The following ALDH1A2 variants were observed in gnomAD, a reference collection of about 807,000 sequenced individuals.
The protein encoded by ALDH1A2 is aldehyde dehydrogenase 1 family member A2.
ALDH1A2 carries 27 observed loss-of-function variants against 60.3 expected under a neutral mutation model. The ratio of observed to expected loss-of-function variants is 0.45; its 90% confidence interval spans 0.33 to 0.62. ALDH1A2 has a LOEUF of 0.62. Ranked by LOEUF, ALDH1A2 falls within the 20% of genes least tolerant of loss-of-function variation. The pLI is 0.02. For missense variants in ALDH1A2, 581 were observed against 643.8 expected, an observed-to-expected ratio of 0.90 and a Z score of 1.06; for synonymous variants, 289 against 232.4, an observed-to-expected ratio of 1.24 and a Z score of -2.21.
chr15:58,056,291 A>T (rs1362605960), intron 1 of ALDH1A2, among the ~76,000 whole-genome samples: 1 of 152,066 alleles, frequency 6.6e-6, no homozygotes, highest in Non-Finnish European at 1.5e-5. Context: ...CATTATAGAG[A>T]AGACCACACA....
At chr15:57,965,652 CA>C in intron 8 of ALDH1A2, 72 bp downstream of exon 8, 2 of 1,111,114 alleles carry the variant, frequency 1.8e-6, no homozygotes, top group South Asian at 1.2e-5. Context: ...AGTGTCCCAT[CA>C]AAAGTGGAGA....
At chr15:58,042,940 TTA>T (rs1374331160) in intron 1 of ALDH1A2, among the ~76,000 whole-genome samples, 2 of 151,974 alleles carry the variant, frequency 1.3e-5, no homozygotes, top group Middle Eastern at 3.2e-3. Flanking sequence ...TGATGTCATT[TTA>T]TAGTTTGTTA....
intron 1 of ALDH1A2, among the ~76,000 whole-genome samples, chr15:58,031,768 C>T (rs373314737): frequency 2.0e-5 from 3 of 152,106 alleles, no homozygotes; most frequent in Admixed American, 6.5e-5. Flanking sequence ...TCATCACCAC[C>T]GGTCATCAGA....
intron 1 of ALDH1A2, among the ~76,000 whole-genome samples, chr15:58,060,574 C>G (rs147464037): frequency 1.8e-4 from 25 of 135,228 alleles, no homozygotes; most frequent in African/African-American, 6.5e-4. Flanking sequence ...AAGTACCTTT[C>G]TGACCAGGAT....
At chr15:57,971,178 C>T (rs1395200384) in intron 7 of ALDH1A2, among the ~76,000 whole-genome samples, 2 of 152,222 alleles carry the variant, frequency 1.3e-5, no homozygotes, top group Non-Finnish European at 2.9e-5. Flanking sequence ...CTGGAACATG[C>T]CTGTGTGTCT....
chr15:58,010,432 A>G (rs1895593562), intron 4 of ALDH1A2, among the ~76,000 whole-genome samples: 1 of 152,176 alleles, frequency 6.6e-6, no homozygotes, highest in Non-Finnish European at 1.5e-5. Flanking sequence ...TGAATGATGT[A>G]TTAAGTGGCA....
At chr15:58,001,775 G>T (rs1221116131) in intron 4 of ALDH1A2, among the ~76,000 whole-genome samples, 1 of 151,802 alleles carries the variant, frequency 6.6e-6, no homozygotes, top group African/African-American at 2.4e-5. Context: ...CCATTGTAGG[G>T]TATGAATGGT....
At chr15:58,051,619 G>A (rs1175753480) in intron 1 of ALDH1A2, among the ~76,000 whole-genome samples, 4 of 152,258 alleles carry the variant, frequency 2.6e-5, no homozygotes, top group Admixed American at 2.6e-4. Flanking sequence ...AGGCCTATAT[G>A]AGAAACTGCC....
intron 1 of ALDH1A2, among the ~76,000 whole-genome samples, chr15:58,023,245 A>C (rs1440687706): frequency 3.7e-4 from 56 of 152,318 alleles, no homozygotes. Context: ...TCTAATCTTC[A>C]AGACAGGTCT....
intron 1 of ALDH1A2, among the ~76,000 whole-genome samples, chr15:58,016,098 T>C (rs927440911): frequency 2.7e-4 from 41 of 152,092 alleles, no homozygotes; most frequent in Non-Finnish European, 5.7e-4. Flanking sequence ...GAATCAAACT[T>C]TTTAACCTTT....
At chr15:57,971,298 T>C (rs1473545425) in intron 7 of ALDH1A2, among the ~76,000 whole-genome samples, 1 of 152,206 alleles carries the variant, frequency 6.6e-6, no homozygotes, top group Non-Finnish European at 1.5e-5. Flanking sequence ...GTAGCTTTCC[T>C]TCCCTACCCT....
chr15:58,051,908 A>C, intron 1 of ALDH1A2, among the ~76,000 whole-genome samples: 1 of 152,168 alleles, frequency 6.6e-6, no homozygotes, highest in South Asian at 2.1e-4. Flanking sequence ...TCATGAGCTT[A>C]GCTTGGCAGG....
chr15:57,985,678 C>T (rs1894674967), intron 7 of ALDH1A2, among the ~76,000 whole-genome samples: 1 of 152,080 alleles, frequency 6.6e-6, no homozygotes, highest in South Asian at 2.1e-4. Context: ...CATGTAGCAA[C>T]AAATATTTAC....
chr15:58,042,546 T>C (rs1896544086), intron 1 of ALDH1A2, among the ~76,000 whole-genome samples: 8 of 152,010 alleles, frequency 5.3e-5, no homozygotes, highest in Admixed American at 5.2e-4. Flanking sequence ...AATGTATGTT[T>C]TGGATTCCAG....
At chr15:57,969,644 C>T (rs1893998087) in intron 7 of ALDH1A2, among the ~76,000 whole-genome samples, 1 of 152,068 alleles carries the variant, frequency 6.6e-6, no homozygotes, top group Admixed American at 6.5e-5. Flanking sequence ...TTGATGATAC[C>T]AAGTCCTATT....
At chr15:57,994,964 G>T in intron 5 of ALDH1A2, 114 bp downstream of exon 5, 1 of 1,036,430 alleles carries the variant, frequency 9.6e-7, no homozygotes, top group Non-Finnish European at 1.5e-6. Context: ...CATGAGCTCA[G>T]TTTTTTTTCC....
At chr15:58,028,671 C>T (rs1334218123) in intron 1 of ALDH1A2, among the ~76,000 whole-genome samples, 1 of 152,124 alleles carries the variant, frequency 6.6e-6, no homozygotes, top group Non-Finnish European at 1.5e-5. Flanking sequence ...ACTGCAGAGA[C>T]ACACACAGGC....
intron 12 of ALDH1A2, 38 bp from the exon 13 acceptor site, chr15:57,955,307 T>G: frequency 6.2e-7 from 1 of 1,609,678 alleles, no homozygotes; most frequent in South Asian, 1.1e-5. Context: ...ATACCAGAAG[T>G]CCAGGGAGCT....
chr15:57,983,252 G>C (rs1894576468), intron 7 of ALDH1A2, among the ~76,000 whole-genome samples: 1 of 152,134 alleles, frequency 6.6e-6, no homozygotes, highest in Non-Finnish European at 1.5e-5. Context: ...TTAATATCTG[G>C]CATAGGAAAT....
Sources: gnomAD v4.1 joint callset for allele counts (sites outside exome capture counted in the v4.1 genomes callset) on GRCh38, gnomAD v4.1.1 for gene constraint, MANE v1.5 for transcripts, NCBI Gene and HGNC (gene_info 2026-07-23, HGNC 2026-07-21) for gene names.